Variants in CCDC63 observed in about 807,000 individuals in gnomAD.
CCDC63 encodes the protein coiled-coil domain-containing protein 63.
In CCDC63, 54 loss-of-function variants were observed where a neutral mutation model predicts 63.6. That is an observed-to-expected ratio of 0.85 (90% CI 0.68 to 1.07). The LOEUF (loss-of-function observed/expected upper bound fraction) is 1.07. Among genes scored for constraint, CCDC63 ranks in the 50% least tolerant of loss-of-function variants. The pLI is 0.00. For missense variants in CCDC63, 637 were observed against 689.6 expected (o/e 0.92, Z 0.86); for synonymous variants, 253 against 266.1 (o/e 0.95, Z 0.48).
chr12:110,875,446 AT>A (rs879583659), intron 5 of CCDC63, among the ~76,000 whole-genome samples: 251 of 145,400 alleles, frequency 1.7e-3, no homozygotes, highest in East Asian at 0.013. Flanking sequence ...TATAGGTATA[AT>A]TTTTTTTTTT....
chr12:110,850,474 G>A (rs1288904731), intron 1 of CCDC63, among the ~76,000 whole-genome samples: 1 of 152,210 alleles, frequency 6.6e-6, no homozygotes, highest in Admixed American at 6.5e-5. Flanking sequence ...GGACGTGGTG[G>A]TTCACGCCTG....
intron 1 of CCDC63, among the ~76,000 whole-genome samples, chr12:110,848,246 CTG>C (rs1480448842): frequency 6.6e-6 from 1 of 152,228 alleles, no homozygotes; most frequent in Non-Finnish European, 1.5e-5. Context: ...TTTTGAAACA[CTG>C]TGGAACAGAA....
In CCDC63 at chr12:110,866,324, T is replaced by TTTTTA. The variant is rs398021066; in HGVS notation, c.370-7518_370-7517insTTTTA. Among the ~76,000 whole-genome samples the TTTTTA allele has an allele frequency of 6.4e-3, 935 of 146,410 alleles. 17 individuals carry two copies. Among genetic ancestry groups the TTTTTA allele is most frequent in the African/African-American group, 0.023 (893 of 38,904 alleles). On this transcript the variant is annotated intron_variant, in intron 4 of 11. Coordinates refer to ENST00000308208, the MANE Select transcript of CCDC63 (RefSeq NM_152591.3). ...TTAAGCCACTCTTTTTTTTTTTTTT[T>TTTTTA]AATTTATTTTTTTATTGATAATTCT...
chr12:110,862,871 T>G (rs888878800), intron 4 of CCDC63, among the ~76,000 whole-genome samples: 9 of 151,986 alleles, frequency 5.9e-5, no homozygotes, highest in Non-Finnish European at 4.4e-5. Flanking sequence ...TCCTCCTGCC[T>G]CAGCCTCCTG....
intron 10 of CCDC63, 100 bp downstream of exon 10, chr12:110,899,225 G>A (rs1378848392): frequency 8.9e-7 from 1 of 1,121,560 alleles, no homozygotes; most frequent in South Asian, 1.7e-5. Flanking sequence ...GAGCTTTGTG[G>A]CAAAGTGTGT....
intron 8 of CCDC63, among the ~76,000 whole-genome samples, chr12:110,888,840 TCC>T: frequency 7.9e-6 from 1 of 127,318 alleles, no homozygotes; most frequent in Admixed American, 8.8e-5. Flanking sequence ...CTTCCTTCCT[TCC>T]TTCCTTCCTT....
chr12:110,858,707 C>A lies in CCDC63; in HGVS notation c.301C>A (p.Gln101Lys), dbSNP rs2070811687. ...KNYMELRLLL[Q>K]TKEDYEALIK... ...CTACATGGAGCTGCGACTCCTGCTC[C>A]AAACTAAGGAGGACTATGAGGCATT... Residue 101 changes from glutamine (Q) to lysine (K), a missense_variant, in exon 4 of 12, where the codon CAA becomes AAA. Physicochemically the swap from Gln to Lys is moderately conservative, Grantham distance 53. Transcript: ENST00000308208. 1 of 1,613,932 alleles carries A rather than the reference C, an allele frequency of 6.2e-7. No homozygotes were observed. Among genetic ancestry groups the A allele is most frequent in the Non-Finnish European group, 8.5e-7 (1 of 1,180,016 alleles).
intron 2 of CCDC63, 23 bp downstream of exon 2, chr12:110,852,986 C>T: frequency 6.2e-7 from 1 of 1,613,416 alleles, no homozygotes; most frequent in Non-Finnish European, 8.5e-7. Context: ...AGCTCCCAGC[C>T]ACAGAGCACC....
chr12:110,870,363 T>A (rs1367741595), intron 4 of CCDC63, among the ~76,000 whole-genome samples: 1 of 152,244 alleles, frequency 6.6e-6, no homozygotes, highest in Non-Finnish European at 1.5e-5. Flanking sequence ...ATTACAGGCA[T>A]GAGGCACAGC....
At chr12:110,867,755 AC>A (rs529238371) in intron 4 of CCDC63, among the ~76,000 whole-genome samples, 7 of 123,826 alleles carry the variant, frequency 5.7e-5, no homozygotes, top group African/African-American at 1.7e-4. Context: ...CGGGGGGCTG[AC>A]CCCCCCATCT....
chr12:110,881,017 A>T, intron 6 of CCDC63, 98 bp from the exon 7 acceptor site: 1 of 1,040,528 alleles, frequency 9.6e-7, no homozygotes, highest in Non-Finnish European at 1.3e-6. Flanking sequence ...TAAAAGTGAT[A>T]GTCATTCTCT....
chr12:110,871,679 A>T (rs2071071125), intron 4 of CCDC63, among the ~76,000 whole-genome samples: 1 of 151,784 alleles, frequency 6.6e-6, no homozygotes, highest in African/African-American at 2.4e-5. Flanking sequence ...CACGCGTCTT[A>T]AGGATACAGC....
intron 10 of CCDC63, 50 bp downstream of exon 10, chr12:110,899,175 T>C (rs761417958): frequency 1.3e-6 from 2 of 1,523,236 alleles, no homozygotes; most frequent in Non-Finnish European, 1.8e-6. Context: ...TTCCAGAACT[T>C]TCTGTGACTG....
intron 10 of CCDC63, among the ~76,000 whole-genome samples, chr12:110,902,906 G>GGA (rs1330272648): frequency 7.1e-6 from 1 of 141,688 alleles, no homozygotes; most frequent in African/African-American, 2.7e-5. Context: ...TTTTTAAGAT[G>GGA]GAGTCTCGCT....
chr12:110,873,101 C>T (rs2136682680), intron 4 of CCDC63, among the ~76,000 whole-genome samples: 1 of 152,036 alleles, frequency 6.6e-6, no homozygotes, highest in African/African-American at 2.4e-5. Flanking sequence ...ACAGGCATGG[C>T]GGTGCATGCC....
intron 4 of CCDC63, among the ~76,000 whole-genome samples, chr12:110,860,431 AT>A (rs1291807770): frequency 6.6e-6 from 1 of 152,060 alleles, no homozygotes; most frequent in African/African-American, 2.4e-5. Flanking sequence ...GACCACATCC[AT>A]TTTGTTCTCT....
At chr12:110,858,144 AAAT>A (rs1256571993) in intron 3 of CCDC63, among the ~76,000 whole-genome samples, 3 of 147,042 alleles carry the variant, frequency 2.0e-5, no homozygotes, top group Non-Finnish European at 3.0e-5. Flanking sequence ...AAATAAAATA[AAAT>A]AAAATAAAAT....
intron 8 of CCDC63, among the ~76,000 whole-genome samples, chr12:110,888,208 C>T (rs189572713): frequency 6.6e-6 from 1 of 152,222 alleles, no homozygotes; most frequent in East Asian, 1.9e-4. Context: ...CGTCCATTTG[C>T]GGTATTGCAG....
At chr12:110,850,819 T>C (rs1007738706) in intron 1 of CCDC63, among the ~76,000 whole-genome samples, 2 of 152,340 alleles carry the variant, frequency 1.3e-5, no homozygotes, top group Non-Finnish European at 2.9e-5. Context: ...CACTTTCCAC[T>C]AGATACTGCC....
Sources: gnomAD v4.1 joint callset for allele counts (sites outside exome capture counted in the v4.1 genomes callset) on GRCh38, gnomAD v4.1.1 for gene constraint, MANE v1.5 for transcripts, NCBI Gene and HGNC (gene_info 2026-07-23, HGNC 2026-07-21) for gene names.